Variants in BNC2 observed in about 807,000 individuals in gnomAD.
BNC2 encodes zinc finger protein basonuclin-2.
Under a neutral mutation model 76.3 loss-of-function variants are expected in BNC2, and 20 were observed. That is an observed-to-expected ratio of 0.26 (90% confidence interval 0.18 to 0.38). BNC2 has a LOEUF of 0.38. Ranked by LOEUF, BNC2 falls within the 10% of genes least tolerant of loss-of-function variation. The pLI is 1.00. For synonymous variants in BNC2, 582 were observed against 514.8 expected (o/e 1.13, Z -1.77); for missense variants, 1,382 against 1,399.8 (o/e 0.99, Z 0.20).
intron 1 of BNC2, among the ~76,000 whole-genome samples, chr9:16,749,049 T>A (rs1196140779): frequency 1.1e-5 from 1 of 94,224 alleles, no homozygotes; most frequent in Non-Finnish European, 2.2e-5. Context: ...GGGGAATGAC[T>A]ATCTTAGAAA....
At chr9:16,643,621 G>C (rs1412029031) in intron 3 of BNC2, among the ~76,000 whole-genome samples, 1 of 151,996 alleles carries the variant, frequency 6.6e-6, no homozygotes, top group Non-Finnish European at 1.5e-5. Context: ...TTTAATTCTA[G>C]AATTCTTTGC....
intron 3 of BNC2, among the ~76,000 whole-genome samples, chr9:16,589,201 T>C (rs1173837462): frequency 6.6e-6 from 1 of 152,180 alleles, no homozygotes; most frequent in African/African-American, 2.4e-5. Flanking sequence ...TGTTGTTTTT[T>C]TCTGAGACAG....
At chr9:16,554,903 G>T (rs1000260288) in intron 4 of BNC2, among the ~76,000 whole-genome samples, 1 of 152,152 alleles carries the variant, frequency 6.6e-6, no homozygotes, top group South Asian at 2.1e-4. Context: ...GTGTGTACTT[G>T]GCACCTTGCA....
At chr9:16,452,599 G>A (rs374537279) in intron 5 of BNC2, among the ~76,000 whole-genome samples, 57 of 152,074 alleles carry the variant, frequency 3.7e-4, no homozygotes, top group African/African-American at 1.1e-3. Context: ...CAGTAGAGAC[G>A]GGGTTTCACC....
At chr9:16,751,642 G>GTGTGTATA (rs1563926912) in intron 1 of BNC2, among the ~76,000 whole-genome samples, 2 of 4,322 alleles carry the variant, frequency 4.6e-4, no homozygotes, top group East Asian at 0.024. Context: ...ATGTATATAT[G>GTGTGTATA]TATGTGTGTA....
intron 1 of BNC2, among the ~76,000 whole-genome samples, chr9:16,845,106 G>A (rs1252849187): frequency 6.6e-6 from 1 of 152,172 alleles, no homozygotes; most frequent in African/African-American, 2.4e-5. Flanking sequence ...TATCAGTCGG[G>A]CTGGGGGCCA....
intron 6 of BNC2, among the ~76,000 whole-genome samples, chr9:16,424,819 C>T (rs144208855): frequency 9.2e-5 from 14 of 152,248 alleles, no homozygotes; most frequent in African/African-American, 2.6e-4. Context: ...TTCATTAGTC[C>T]TTTTCTTATC....
chr9:16,731,969 T>TGCATTTCA (rs1824516408), intron 2 of BNC2, among the ~76,000 whole-genome samples: 2 of 152,168 alleles, frequency 1.3e-5, no homozygotes, highest in African/African-American at 4.8e-5. Context: ...ACAAAAAATT[T>TGCATTTCA]GCATTTCAGT....
At chr9:16,554,455 G>A (rs1473830866) in intron 4 of BNC2, among the ~76,000 whole-genome samples, 2 of 152,062 alleles carry the variant, frequency 1.3e-5, no homozygotes, top group Non-Finnish European at 2.9e-5. Context: ...CAAAGAGTTC[G>A]GGTTTTCTCA....
chr9:16,863,072 G>A (rs973754602), intron 1 of BNC2, among the ~76,000 whole-genome samples: 15 of 151,938 alleles, frequency 9.9e-5, no homozygotes, highest in South Asian at 2.1e-4. Context: ...CCGCCACCAC[G>A]CCCAGCTAAT....
chr9:16,754,195 T>C (rs1825308703), intron 1 of BNC2, among the ~76,000 whole-genome samples: 1 of 152,232 alleles, frequency 6.6e-6, no homozygotes, highest in African/African-American at 2.4e-5. Flanking sequence ...AAGGCATCAC[T>C]GCCTACCTTT....
intron 3 of BNC2, among the ~76,000 whole-genome samples, chr9:16,658,607 C>G (rs1329279401): frequency 6.6e-6 from 1 of 152,166 alleles, no homozygotes; most frequent in African/African-American, 2.4e-5. Flanking sequence ...CTTAACAATT[C>G]TCTTATCCTT....
At chr9:16,743,429 A>C (rs113105083) in intron 1 of BNC2, among the ~76,000 whole-genome samples, 1 of 152,144 alleles carries the variant, frequency 6.6e-6, no homozygotes, top group African/African-American at 2.4e-5. Context: ...CTTCCATTCT[A>C]GAATGTATTC....
intron 6 of BNC2, among the ~76,000 whole-genome samples, chr9:16,425,237 T>C (rs1464446221): frequency 6.6e-6 from 1 of 152,200 alleles, no homozygotes; most frequent in African/African-American, 2.4e-5. Context: ...CACTTGAAGA[T>C]AAGCTCCTAC....
intron 3 of BNC2, among the ~76,000 whole-genome samples, chr9:16,719,101 G>A (rs1455686364): frequency 6.6e-6 from 1 of 152,180 alleles, no homozygotes. Context: ...GTTCTGGCAT[G>A]AGGTCAACAA....
chr9:16,787,322 A>C (rs1441497962), intron 1 of BNC2, among the ~76,000 whole-genome samples: 1 of 152,218 alleles, frequency 6.6e-6, no homozygotes, highest in African/African-American at 2.4e-5. Flanking sequence ...TAAAATGAAG[A>C]ACGGGGAAAC....
chr9:16,582,688 C>T (rs944829562), intron 4 of BNC2, among the ~76,000 whole-genome samples: 3 of 152,158 alleles, frequency 2.0e-5, no homozygotes, highest in Non-Finnish European at 4.4e-5. Flanking sequence ...TTCCATCAGG[C>T]CTGGTGCTTG....
chr9:16,437,575 TTG>T (rs1563783558), intron 5 of BNC2, 51 bp from the exon 6 acceptor site: 2 of 1,587,392 alleles, frequency 1.3e-6, no homozygotes, highest in African/African-American at 1.3e-5. Context: ...AACTTATTGA[TTG>T]TGCATAATTA....
At chr9:16,437,574 A>G in intron 5 of BNC2, 50 bp from the exon 6 acceptor site, 1 of 1,586,402 alleles carries the variant, frequency 6.3e-7, no homozygotes, top group Non-Finnish European at 8.5e-7. Flanking sequence ...AAACTTATTG[A>G]TTGTGCATAA....
Sources: gnomAD v4.1 joint callset for allele counts (sites outside exome capture counted in the v4.1 genomes callset) on GRCh38, gnomAD v4.1.1 for gene constraint, MANE v1.5 for transcripts, NCBI Gene and HGNC (gene_info 2026-07-23, HGNC 2026-07-21) for gene names.